Variants in TENM4 observed in about 807,000 individuals in gnomAD.
The protein encoded by TENM4 is teneurin transmembrane protein 4.
A neutral mutation model predicts 243.3 loss-of-function variants in TENM4; 82 were observed. The observed-to-expected ratio is 0.34, with a 90% CI of 0.28 to 0.40. The LOEUF is 0.40. Among genes scored for constraint, TENM4 ranks in the 10% least tolerant of loss-of-function variants. TENM4 has a pLI of 1.00. For synonymous variants in TENM4, 1,412 were observed against 1,456.3 expected (o/e 0.97, Z 0.69); for missense variants, 3,138 against 3,673.3 (o/e 0.85, Z 3.77).
intron 1 of TENM4, among the ~76,000 whole-genome samples, chr11:79,381,938 C>G (rs976961338): frequency 6.6e-6 from 1 of 152,106 alleles, no homozygotes; most frequent in Non-Finnish European, 1.5e-5. Flanking sequence ...GGGCTATACA[C>G]AAATTTCAAT....
At chr11:78,709,154 A>AG (rs1859340241) in intron 26 of TENM4, among the ~76,000 whole-genome samples, 2 of 89,348 alleles carry the variant, frequency 2.2e-5, no homozygotes, top group African/African-American at 1.2e-4. Context: ...TTTTTTTTTT[A>AG]GTAGAGATGA....
chr11:79,405,911 T>C (rs892631356), intron 1 of TENM4, among the ~76,000 whole-genome samples: 2 of 150,062 alleles, frequency 1.3e-5, no homozygotes, highest in African/African-American at 2.5e-5. Flanking sequence ...CATGTCCTTA[T>C]CTGGAACTCC....
chr11:79,352,526 A>G (rs1857431018), intron 1 of TENM4, among the ~76,000 whole-genome samples: 1 of 152,206 alleles, frequency 6.6e-6, no homozygotes, highest in South Asian at 2.1e-4. Flanking sequence ...GCCACGGAGC[A>G]TGACTGCCTG....
intron 4 of TENM4, among the ~76,000 whole-genome samples, chr11:79,094,200 C>T (rs745952029): frequency 6.6e-6 from 1 of 152,140 alleles, no homozygotes; most frequent in Non-Finnish European, 1.5e-5. Context: ...TGGGGCCAGA[C>T]AGCCTGAGTA....
At chr11:79,329,386 C>T (rs1228576392) in intron 1 of TENM4, among the ~76,000 whole-genome samples, 1 of 152,186 alleles carries the variant, frequency 6.6e-6, no homozygotes, top group African/African-American at 2.4e-5. Context: ...CAAATATTTG[C>T]TAGGCACCTC....
chr11:79,209,066 G>A (rs1270151576), intron 3 of TENM4, among the ~76,000 whole-genome samples: 1 of 152,144 alleles, frequency 6.6e-6, no homozygotes, highest in Non-Finnish European at 1.5e-5. Context: ...ATGTTTGGGA[G>A]GATTTGGTAA....
intron 6 of TENM4, among the ~76,000 whole-genome samples, chr11:78,975,342 A>T (rs76413987): frequency 1.3e-5 from 2 of 152,038 alleles, no homozygotes; most frequent in Admixed American, 6.5e-5. Context: ...GCTGATGGAA[A>T]GGCCAGTTTC....
At chr11:78,773,619 G>A (rs1259424178) in intron 17 of TENM4, among the ~76,000 whole-genome samples, 1 of 152,204 alleles carries the variant, frequency 6.6e-6, no homozygotes, top group African/African-American at 2.4e-5. Flanking sequence ...AGGCCTGTGA[G>A]CCATATGGTC....
At chr11:79,170,009 G>T (rs1425119759) in intron 3 of TENM4, among the ~76,000 whole-genome samples, 1 of 152,198 alleles carries the variant, frequency 6.6e-6, no homozygotes, top group Non-Finnish European at 1.5e-5. Flanking sequence ...GGGCATCTTT[G>T]CCCCTAAAGA....
chr11:79,176,968 C>T (rs1863171916), intron 3 of TENM4, among the ~76,000 whole-genome samples: 1 of 152,086 alleles, frequency 6.6e-6, no homozygotes. Context: ...GCTTTTACCT[C>T]TTGTCCAGCT....
Position 79,393,433 on chromosome 11 carries a change from G to A in TENM4, c.-321+47076C>T, listed in dbSNP as rs1179921666. On this transcript the variant is annotated intron_variant, in intron 1 of 33. Transcript: ENST00000278550. The stretch of plus-strand genomic sequence containing the variant: ...ACAGGATGCTTTTAAAGACAAAATG[G>A]GACAACAGCAAAGCCATCCTTCAGT... Among the ~76,000 whole-genome samples the A allele has an allele frequency of 3.3e-5, 5 of 152,096 alleles. No homozygotes were observed. The South Asian group carries it at 1.0e-3, about 32-fold the overall frequency.
intron 4 of TENM4, among the ~76,000 whole-genome samples, chr11:79,106,224 G>A (rs7934777): frequency 0.14 from 20,921 of 152,242 alleles, 1,545 homozygotes; most frequent in South Asian, 0.19. Context: ...TCTAGCGCCA[G>A]AGCATAGCTA....
chr11:79,139,748 T>TATTATATTTATATAAGTATATAA (rs1862237375), intron 4 of TENM4, among the ~76,000 whole-genome samples: 1 of 24,920 alleles, frequency 4.0e-5, no homozygotes, highest in African/African-American at 1.1e-4. Flanking sequence ...TATAAATATA[T>TATTATATTTATATAAGTATATAA]AATATATATT....
chr11:79,219,131 A>T (rs1012758076), intron 2 of TENM4, among the ~76,000 whole-genome samples: 7 of 152,214 alleles, frequency 4.6e-5, no homozygotes, highest in Non-Finnish European at 8.8e-5. Context: ...CTTGCAGCAG[A>T]CTTTGTATAA....
At chr11:79,435,282 A>G (rs1195779362) in intron 1 of TENM4, among the ~76,000 whole-genome samples, 2 of 152,356 alleles carry the variant, frequency 1.3e-5, no homozygotes, top group Middle Eastern at 3.4e-3. Flanking sequence ...ATAGGCACAT[A>G]TATCTACATG....
intron 2 of TENM4, among the ~76,000 whole-genome samples, chr11:79,250,412 G>C (rs1355769452): frequency 6.6e-6 from 1 of 152,238 alleles, no homozygotes; most frequent in Non-Finnish European, 1.5e-5. Flanking sequence ...GGCAGAGCTA[G>C]AATTTGAACA....
Position 79,103,480 on chromosome 11 carries a change from A to T in TENM4, c.-65-33471T>A, listed in dbSNP as rs372388534. 2.1e-3 allele frequency among the ~76,000 whole-genome samples: 327 copies of T among 152,264 alleles called. 17 individuals carry two copies. The South Asian group carries it at 0.064, about 30-fold the overall frequency. ...CCACAGTGCATCCCCTTTAGGTGGA[A>T]TCATGGACTTCCACCAAGGCCCTTC... On this transcript the variant is annotated intron_variant, in intron 4 of 33. Coordinates refer to ENST00000278550, the MANE Select transcript of TENM4 (RefSeq NM_001098816.3).
Position 79,199,738 on chromosome 11 carries a change from C to T in TENM4, c.-163+16070G>A, listed in dbSNP as rs1461280190. ...CATCTGTAATCTCTATTGATTTCCA[C>T]CCATCTCTAAAATTTTTCAGGAACA... On this transcript the variant is annotated intron_variant, in intron 3 of 33. Coordinates refer to ENST00000278550, the MANE Select transcript of TENM4 (RefSeq NM_001098816.3). Among the ~76,000 whole-genome samples the T allele has an allele frequency of 2.6e-5, 4 of 152,156 alleles. No individual in the cohort carries two copies. In the East Asian group the frequency reaches 7.7e-4, roughly 29 times the overall value.
chr11:79,369,984 A>G (rs537774386), intron 1 of TENM4, among the ~76,000 whole-genome samples: 16 of 152,274 alleles, frequency 1.1e-4, no homozygotes, highest in African/African-American at 3.8e-4. Context: ...TCCAGCCCAC[A>G]AACCATGCAA....
Sources: gnomAD v4.1 joint callset for allele counts (sites outside exome capture counted in the v4.1 genomes callset) on GRCh38, gnomAD v4.1.1 for gene constraint, MANE v1.5 for transcripts, NCBI Gene and HGNC (gene_info 2026-07-23, HGNC 2026-07-21) for gene names.